LINGO2: variants seen among roughly 807,000 people sequenced by gnomAD.
LINGO2 encodes the protein leucine rich repeat and Ig domain containing 2.
LINGO2 carries 14 observed loss-of-function variants against 30.6 expected under a neutral mutation model. That is an observed-to-expected ratio of 0.46 (90% CI 0.30 to 0.72). The LOEUF is 0.72. Ranked by LOEUF, LINGO2 falls within the 30% of genes least tolerant of loss-of-function variation. The pLI, the probability that LINGO2 is intolerant of heterozygous loss-of-function variation, is 0.07. For missense variants in LINGO2, 729 were observed against 751.7 expected, an observed-to-expected ratio of 0.97 and a Z score of 0.35; for synonymous variants, 317 against 288.5, an observed-to-expected ratio of 1.10 and a Z score of -1.00.
At chr9:28,933,117 G>C in the LINGO2 span, among the ~76,000 whole-genome samples, 4 of 151,976 alleles carry the variant, frequency 2.6e-5, no homozygotes, top group Non-Finnish European at 5.9e-5. Flanking sequence ...ATGTTGCCCA[G>C]ACTGGTCTCG....
At chr9:28,655,776 G>A (rs1828308590) in intron 1 of LINGO2, among the ~76,000 whole-genome samples, 1 of 152,058 alleles carries the variant, frequency 6.6e-6, no homozygotes, top group African/African-American at 2.4e-5. Flanking sequence ...TGTGAAGAAG[G>A]ATGTGTTGGT....
chr9:28,559,444 A>G (rs1053058899), intron 1 of LINGO2, among the ~76,000 whole-genome samples: 1 of 152,106 alleles, frequency 6.6e-6, no homozygotes, highest in Non-Finnish European at 1.5e-5. Flanking sequence ...TTTCAAACAT[A>G]ATAGGTCATT....
intron 1 of LINGO2, among the ~76,000 whole-genome samples, chr9:28,550,762 T>A (rs867653740): frequency 2.0e-4 from 30 of 151,990 alleles, no homozygotes; most frequent in Admixed American, 3.9e-4. Context: ...TAAAGCTACA[T>A]GCATCAATGT....
the LINGO2 span, among the ~76,000 whole-genome samples, chr9:29,113,596 G>C: frequency 6.6e-6 from 1 of 152,176 alleles, no homozygotes; most frequent in Non-Finnish European, 1.5e-5. Flanking sequence ...GTAACATTGA[G>C]CAATCTTTTC....
At chr9:28,552,423 T>A (rs1290472303) in intron 1 of LINGO2, among the ~76,000 whole-genome samples, 1 of 152,082 alleles carries the variant, frequency 6.6e-6, no homozygotes, top group Non-Finnish European at 1.5e-5. Context: ...TACTGTCTCA[T>A]CAGAATCACG....
intron 5 of LINGO2, among the ~76,000 whole-genome samples, chr9:27,973,730 C>T (rs1820461505): frequency 6.6e-6 from 1 of 152,068 alleles, no homozygotes; most frequent in Admixed American, 6.6e-5. Flanking sequence ...TCCTTGAAGA[C>T]CACTTGAAGA....
At chr9:29,092,824 C>T in the LINGO2 span, among the ~76,000 whole-genome samples, 27 of 135,048 alleles carry the variant, frequency 2.0e-4, 5 homozygotes, top group Admixed American at 6.1e-4. Context: ...ATTAGGATAT[C>T]TTTATTAACA....
chr9:28,791,897 G>C, the LINGO2 span, among the ~76,000 whole-genome samples: 1 of 151,148 alleles, frequency 6.6e-6, no homozygotes, highest in Non-Finnish European at 1.5e-5. Context: ...AGTGACACTG[G>C]ATATTACAGG....
intron 4 of LINGO2, among the ~76,000 whole-genome samples, chr9:28,179,098 G>T (rs1828827559): frequency 6.6e-6 from 1 of 151,632 alleles, no homozygotes; most frequent in African/African-American, 2.4e-5. Context: ...TTAATACATG[G>T]AATTGGCATC....
chr9:27,951,030 A>C (rs1422905215), intron 5 of LINGO2, among the ~76,000 whole-genome samples: 2 of 152,196 alleles, frequency 1.3e-5, no homozygotes, highest in Middle Eastern at 3.2e-3. Context: ...ACACAGTATA[A>C]ATTTCACACT....
chr9:28,966,709 C>T, the LINGO2 span, among the ~76,000 whole-genome samples: 1 of 152,086 alleles, frequency 6.6e-6, no homozygotes, highest in Non-Finnish European at 1.5e-5. Flanking sequence ...CAGTAGACCA[C>T]ATCGCCTCCC....
chr9:29,205,814 C>T, the LINGO2 span, among the ~76,000 whole-genome samples: 2 of 152,150 alleles, frequency 1.3e-5, no homozygotes, highest in Admixed American at 1.3e-4. Context: ...CAGATTTGTG[C>T]AACCATCAGC....
chr9:29,195,174 G>T, the LINGO2 span, among the ~76,000 whole-genome samples: 3 of 152,184 alleles, frequency 2.0e-5, no homozygotes, highest in Admixed American at 6.5e-5. Context: ...TTCCCTGGAG[G>T]TTCCTATAAA....
At chr9:28,401,598 G>T (rs1388190332) in intron 2 of LINGO2, among the ~76,000 whole-genome samples, 1 of 152,152 alleles carries the variant, frequency 6.6e-6, no homozygotes, top group Admixed American at 6.6e-5. Flanking sequence ...GTAAATATAT[G>T]TGTGTATGTG....
chr9:28,003,378 GATAGATAT>G (rs1437777927), intron 5 of LINGO2, among the ~76,000 whole-genome samples: 51 of 139,578 alleles, frequency 3.7e-4, no homozygotes, highest in African/African-American at 9.4e-4. Context: ...TAGATAGATA[GATAGATAT>G]AGAGAGAGAG....
At chr9:28,031,284 C>A (rs1043870386) in intron 4 of LINGO2, among the ~76,000 whole-genome samples, 2 of 151,498 alleles carry the variant, frequency 1.3e-5, no homozygotes, top group Non-Finnish European at 2.9e-5. Flanking sequence ...GGACCATCCA[C>A]CATGTTTAAC....
At chr9:28,713,939 C>A in the LINGO2 span, among the ~76,000 whole-genome samples, 1,438 of 152,026 alleles carry the variant, frequency 9.5e-3, 29 homozygotes, top group East Asian at 0.083. Context: ...AGGTGGATCA[C>A]CTGAGGTCAG....
At chr9:28,241,893 C>G (rs1821814013) in intron 4 of LINGO2, among the ~76,000 whole-genome samples, 1 of 151,986 alleles carries the variant, frequency 6.6e-6, no homozygotes, top group African/African-American at 2.4e-5. Context: ...GACCTGACTA[C>G]TGAAAGAAAA....
the LINGO2 span, among the ~76,000 whole-genome samples, chr9:28,684,788 G>A: frequency 2.0e-5 from 3 of 152,044 alleles, no homozygotes; most frequent in East Asian, 5.8e-4. Context: ...CAAAGTGCTG[G>A]GATTAAAGGC....
Sources: allele counts gnomAD v4.1 joint callset (sites outside exome capture counted in the v4.1 genomes callset), GRCh38; gene constraint gnomAD v4.1.1; transcripts MANE v1.5; gene names NCBI Gene and HGNC (gene_info 2026-07-23, HGNC 2026-07-21).